The following PTPRN2 variants were observed in gnomAD, a reference collection of about 807,000 sequenced individuals.
PTPRN2 encodes protein tyrosine phosphatase receptor type N2.
In PTPRN2, 74 loss-of-function variants were observed where a neutral mutation model predicts 118.8. The observed-to-expected ratio is 0.62, with a 90% confidence interval of 0.52 to 0.76. The LOEUF is 0.76. Ranked by LOEUF, PTPRN2 falls within the 30% of genes least tolerant of loss-of-function variation. PTPRN2 has a pLI of 0.00. For synonymous variants in PTPRN2, 641 were observed against 608.0 expected (o/e 1.05, Z -0.80); for missense variants, 1,481 against 1,394.4 (o/e 1.06, Z -0.99).
At chr7:157,747,384 T>C (rs1313252042) in intron 12 of PTPRN2, among the ~76,000 whole-genome samples, 101 of 125,784 alleles carry the variant, frequency 8.0e-4, no homozygotes, top group Middle Eastern at 5.2e-3. Context: ...CCCTGAGCTG[T>C]GGGCTGTTGA....
Position 158,284,139 on chromosome 7 carries a change from T to A in PTPRN2, c.277+32680A>T, listed in dbSNP as rs145764861. 5.9e-3 allele frequency among the ~76,000 whole-genome samples: 901 copies of A among 152,344 alleles called. 6 individuals carry two copies. The highest frequency in any genetic ancestry group is 8.4e-3 in the Non-Finnish European group (571 of 68,032). ...CACACACACTTGTTTGCCTGTGTGT[T>A]TTTGTGTCCAATGTGTGTCGTGCAC... On this transcript the variant is annotated intron_variant, in intron 3 of 22. Coordinates refer to ENST00000389418, the MANE Select transcript of PTPRN2 (RefSeq NM_002847.5).
chr7:157,849,351 A>G (rs916465805), intron 12 of PTPRN2, among the ~76,000 whole-genome samples: 1 of 152,116 alleles, frequency 6.6e-6, no homozygotes. Context: ...TTCATGTCAG[A>G]CACTACGGGG....
At chr7:157,774,098 C>G (rs1803045452) in intron 12 of PTPRN2, among the ~76,000 whole-genome samples, 1 of 152,244 alleles carries the variant, frequency 6.6e-6, no homozygotes, top group Non-Finnish European at 1.5e-5. Context: ...CACGGACCTA[C>G]TTACTAGGAG....
At chr7:157,797,005 G>A (rs747378980) in intron 12 of PTPRN2, among the ~76,000 whole-genome samples, 2 of 152,146 alleles carry the variant, frequency 1.3e-5, no homozygotes, top group East Asian at 1.9e-4. Flanking sequence ...CCGACTCGCC[G>A]CTCAGACGAA....
chr7:157,606,377 G>A lies in PTPRN2; in HGVS notation c.2345-2302C>T, dbSNP rs76528105. ...GTGGGGGTGGGGTCCTGCCTGCCGC[G>A]TGGAACAGGATGCCCAGGTTACGCC... On this transcript the variant is annotated intron_variant, in intron 15 of 22. Coordinates refer to ENST00000389418, the MANE Select transcript of PTPRN2 (RefSeq NM_002847.5). Among the ~76,000 whole-genome samples, 311 of 152,350 alleles carry A rather than the reference G, an allele frequency of 2.0e-3. 2 individuals are homozygous for A. Among genetic ancestry groups the A allele is most frequent in the African/African-American group, 7.3e-3 (302 of 41,578 alleles).
At position 157,629,268 on chromosome 7, in the gene PTPRN2, G is replaced by A. The variant is rs747082569; in HGVS notation, c.2197-7759C>T. On this transcript the variant is annotated intron_variant, in intron 14 of 22. Transcript: ENST00000389418. The surrounding 1 kb of genome is among the most constrained non-coding windows in gnomAD (Gnocchi z 4.4). Reference sequence around the variant, plus strand: ...AAGACACCGCAGAACCCATGGGGAGGCAGAAGAAAGGCTGGAGCAGGTCAG... The same window carrying A: ...AAGACACCGCAGAACCCATGGGGAGACAGAAGAAAGGCTGGAGCAGGTCAG... Among the ~76,000 whole-genome samples, 2 of 152,146 alleles carry A rather than the reference G, an allele frequency of 1.3e-5. No homozygotes were observed. Among genetic ancestry groups the A allele is most frequent in the Non-Finnish European group, 2.9e-5 (2 of 68,040 alleles).
At chr7:157,718,723 G>C (rs2007912) in intron 12 of PTPRN2, among the ~76,000 whole-genome samples, 1 of 134,716 alleles carries the variant, frequency 7.4e-6, no homozygotes, top group African/African-American at 2.8e-5. Flanking sequence ...ACGTCCAGGC[G>C]TCCGCGGTGA....
intron 12 of PTPRN2, among the ~76,000 whole-genome samples, chr7:157,725,382 C>T (rs1450836138): frequency 3.6e-5 from 3 of 83,192 alleles, no homozygotes; most frequent in Non-Finnish European, 8.1e-5. Context: ...CCCTCGCCTC[C>T]CAGGAGAACT....
At chr7:158,394,606 C>G (rs1034284988) in intron 2 of PTPRN2, among the ~76,000 whole-genome samples, 25 of 152,350 alleles carry the variant, frequency 1.6e-4, no homozygotes, top group Non-Finnish European at 3.2e-4. Context: ...CGTCCATCCC[C>G]CCAGGCGCAG....
At chr7:157,979,726 G>C (rs1405994206) in intron 11 of PTPRN2, among the ~76,000 whole-genome samples, 1 of 152,210 alleles carries the variant, frequency 6.6e-6, no homozygotes, top group African/African-American at 2.4e-5. Context: ...CTCTGCAGGG[G>C]GTGCCGCTGA....
At chr7:157,844,163 T>C (rs990607222) in intron 12 of PTPRN2, among the ~76,000 whole-genome samples, 1 of 152,118 alleles carries the variant, frequency 6.6e-6, no homozygotes, top group Non-Finnish European at 1.5e-5. Context: ...GCAGGCCTTT[T>C]GAACATAGGA....
In PTPRN2 at chr7:158,088,440, T is replaced by C. The variant is rs1297672914; in HGVS notation, c.1644-7063A>G. Among the ~76,000 whole-genome samples, 2 of 13,390 alleles carry C rather than the reference T, an allele frequency of 1.5e-4. 1 individual carries two copies. Among genetic ancestry groups the C allele is most frequent in the Non-Finnish European group, 5.3e-4 (2 of 3,798 alleles). 8.8% of individuals were successfully genotyped at this position (13,390 alleles called of 152,430 possible). A position where few individuals can be genotyped will look rare whatever the true frequency, so the allele number is the denominator to read the frequency against. ...CTTCTTCCCCTGATGAAAGAGGGAG[T>C]CTTCACACAAACCTTCCTCCCCTGA... On this transcript the variant is annotated intron_variant, in intron 10 of 22. Coordinates refer to ENST00000389418, the MANE Select transcript of PTPRN2 (RefSeq NM_002847.5).
intron 7 of PTPRN2, among the ~76,000 whole-genome samples, chr7:158,137,396 G>C (rs1254261275): frequency 6.6e-6 from 1 of 152,122 alleles, no homozygotes; most frequent in Non-Finnish European, 1.5e-5. Context: ...CAGCCTGGGT[G>C]ACAGAGAGAG....
chr7:157,612,244 C>T (rs1048722007), intron 15 of PTPRN2, among the ~76,000 whole-genome samples: 4 of 152,192 alleles, frequency 2.6e-5, no homozygotes, highest in Non-Finnish European at 4.4e-5. Context: ...GCTGTGTGCG[C>T]TGGTGGCGAC....
chr7:158,350,711 G>A (rs58055386), intron 2 of PTPRN2, among the ~76,000 whole-genome samples: 25 of 152,258 alleles, frequency 1.6e-4, no homozygotes, highest in African/African-American at 4.8e-4. Flanking sequence ...CTGGATCCAC[G>A]CCCAGTGGAT....
intron 12 of PTPRN2, among the ~76,000 whole-genome samples, chr7:157,701,588 G>A (rs946301793): frequency 5.3e-5 from 8 of 152,276 alleles, no homozygotes; most frequent in African/African-American, 1.2e-4. Context: ...GTCTCCTCCT[G>A]TCACTCAGCG....
chr7:158,422,907 G>A (rs1413694166), intron 2 of PTPRN2, among the ~76,000 whole-genome samples: 2 of 152,244 alleles, frequency 1.3e-5, no homozygotes, highest in Admixed American at 6.5e-5. Context: ...GGTCAGTAGA[G>A]ACAAAGAAAG....
intron 12 of PTPRN2, among the ~76,000 whole-genome samples, chr7:157,687,329 T>C (rs1797247323): frequency 6.6e-6 from 1 of 152,186 alleles, no homozygotes; most frequent in African/African-American, 2.4e-5. Context: ...TTATGGTAAA[T>C]ATGTGTTGAC....
intron 7 of PTPRN2, among the ~76,000 whole-genome samples, chr7:158,137,564 C>G (rs149973157): frequency 1.8e-4 from 27 of 152,150 alleles, no homozygotes; most frequent in Admixed American, 9.2e-4. Flanking sequence ...GTGCGGGTCC[C>G]GATTCCTTCA....
Sources: gnomAD v4.1 joint callset for allele counts (sites outside exome capture counted in the v4.1 genomes callset) on GRCh38, gnomAD v4.1.1 for gene constraint, Gnocchi (gnomAD v3.1) non-coding constraint, MANE v1.5 for transcripts, NCBI Gene and HGNC (gene_info 2026-07-23, HGNC 2026-07-21) for gene names.